DST: variants seen among roughly 807,000 people sequenced by gnomAD.
The protein encoded by DST is dystonin.
A neutral mutation model predicts 875.2 loss-of-function variants in DST; 253 were observed. The ratio of observed to expected loss-of-function variants is 0.29; its 90% confidence interval spans 0.26 to 0.32. The LOEUF is 0.32. Among genes scored for constraint, DST ranks in the 10% least tolerant of loss-of-function variants. The pLI, the probability that DST is intolerant of heterozygous loss-of-function variation, is 1.00. For missense variants in DST, 8,287 were observed against 9,111.6 expected (o/e 0.91, Z 3.68); for synonymous variants, 3,124 against 3,197.1 (o/e 0.98, Z 0.77).
At chr6:56,621,218 G>C (rs968364997) in intron 36 of DST, among the ~76,000 whole-genome samples, 1 of 152,106 alleles carries the variant, frequency 6.6e-6, no homozygotes, top group Non-Finnish European at 1.5e-5. Flanking sequence ...AATTAAAAAT[G>C]ATACTTATAT....
chr6:56,940,161 TAAAGTA>T (rs1206699141), intron 2 of DST, among the ~76,000 whole-genome samples: 4 of 149,326 alleles, frequency 2.7e-5, no homozygotes, highest in Non-Finnish European at 5.9e-5. Context: ...AGAAACTTCT[TAAAGTA>T]AAATAAATTC....
chr6:56,499,751 C>T (rs1431119555), intron 80 of DST, among the ~76,000 whole-genome samples: 1 of 152,120 alleles, frequency 6.6e-6, no homozygotes, highest in African/African-American at 2.4e-5. Flanking sequence ...ATTTTTCCAC[C>T]TCTACCATAT....
intron 10 of DST, among the ~76,000 whole-genome samples, chr6:56,655,040 A>G (rs1166660702): frequency 1.3e-5 from 2 of 151,922 alleles, no homozygotes; most frequent in African/African-American, 4.8e-5. Flanking sequence ...GGGTGCCTGT[A>G]ACCCCAGCTA....
intron 87 of DST, 110 bp downstream of exon 87, chr6:56,486,994 C>T: frequency 2.9e-6 from 3 of 1,042,330 alleles, no homozygotes; most frequent in Non-Finnish European, 4.1e-6. Flanking sequence ...GCAGAAGTTC[C>T]TCAGGCAAAG....
intron 72 of DST, among the ~76,000 whole-genome samples, chr6:56,513,679 A>C (rs2096529790): frequency 6.6e-6 from 1 of 152,098 alleles, no homozygotes; most frequent in Non-Finnish European, 1.5e-5. Flanking sequence ...GCCTTTTTTA[A>C]ACCCTTCTTA....
At position 56,603,732 on chromosome 6, in the gene DST, A is replaced by G. The variant is rs1407745340; in HGVS notation, c.10792-19T>C. The G allele has an allele frequency of 1.3e-6, 2 of 1,589,490 alleles. No individual in the cohort carries two copies. The highest frequency in any genetic ancestry group is 8.5e-7 in the Non-Finnish European group (1 of 1,170,524). On this transcript the variant is annotated intron_variant, in intron 40 of 103. Coordinates refer to ENST00000680361, the MANE Select transcript of DST (RefSeq NM_001374736.1). ...TGGAAAACTAAAAACAAAGTTGGACATTTTAATTCAATAACCTTTATGCAG... is the reference window on the plus strand; with the variant it reads ...TGGAAAACTAAAAACAAAGTTGGACGTTTTAATTCAATAACCTTTATGCAG...
intron 4 of DST, among the ~76,000 whole-genome samples, chr6:56,794,389 G>GTACATACT (rs1456849028): frequency 1.3e-5 from 2 of 152,092 alleles, no homozygotes; most frequent in African/African-American, 4.8e-5. Flanking sequence ...TGTGTTTAGG[G>GTACATACT]TACATACTTA....
In DST at chr6:56,647,233, TC is replaced by T. The variant is rs1326110624; in HGVS notation, c.1555-1052del. Among the ~76,000 whole-genome samples, 4 of 152,372 alleles carry T rather than the reference TC, an allele frequency of 2.6e-5. No homozygotes were observed. In the East Asian group the frequency reaches 7.7e-4, roughly 29 times the overall value. The stretch of plus-strand genomic sequence containing the variant: ...CTGTTGGTCATTAAGCACCGAATAC[TC>T]CTGTGTGCTAAACACTGTTCATGGC... On this transcript the variant is annotated intron_variant, in intron 13 of 103. Coordinates refer to ENST00000680361, the MANE Select transcript of DST (RefSeq NM_001374736.1).
intron 3 of DST, among the ~76,000 whole-genome samples, chr6:56,859,870 A>G (rs565855567): frequency 1.1e-4 from 17 of 152,318 alleles, no homozygotes; most frequent in Non-Finnish European, 2.4e-4. Context: ...TAGAAAGTTG[A>G]TAAGGAGAGA....
Position 56,640,509 on chromosome 6 carries a change from G to C in DST, c.2124C>G (p.Leu708=). The change falls in exon 18 of 104, where the codon CTC becomes CTG. Residue 708 remains leucine, a synonymous_variant. Coordinates refer to ENST00000680361, the MANE Select transcript of DST (RefSeq NM_001374736.1). ...AACTTTGAGTGATTCCTGATATCAT[G>C]AGCTTTGTCTGTTCTGTTGTCAGTA... ...GRILTTEQTK[L]MISGITQSLN... The C allele has an allele frequency of 6.2e-7, 1 of 1,614,154 alleles. No homozygotes were observed. The highest frequency in any genetic ancestry group is 1.1e-5 in the South Asian group (1 of 91,084).
rs567957325 is a variant in DST at position 56,462,782 on chromosome 6, C to T, written c.23070+264G>A. 5.3e-5 allele frequency among the ~76,000 whole-genome samples: 8 copies of T among 152,242 alleles called. No homozygotes were observed. The South Asian group carries it at 1.2e-3, about 24-fold the overall frequency. ...CAAGAGATAACAGTGGAACTAAGTA[C>T]GAATGAGAACAAAAAGGAGGTAGTC... is the stretch of plus-strand genomic sequence containing the variant. On this transcript the variant is annotated intron_variant, in intron 102 of 103. Coordinates refer to ENST00000680361, the MANE Select transcript of DST (RefSeq NM_001374736.1).
intron 8 of DST, among the ~76,000 whole-genome samples, chr6:56,701,039 T>C (rs1487305325): frequency 3.4e-5 from 5 of 148,112 alleles, no homozygotes; most frequent in Non-Finnish European, 7.5e-5. Flanking sequence ...GAGTGCAATA[T>C]TGCAATCATG....
chr6:56,553,024 C>T lies in DST; in HGVS notation c.15768G>A (p.Met5256Ile). ...TCTTACTGTGAAGTTGTTCAGTGAC[C>T]ATGTCCACCTTCTGGATCAGTGACT... ...ENKSLIQKVD[M>I]VTEQLHSKKF... is the part of the protein sequence containing the mutation. Residue 5256 changes from methionine (M) to isoleucine (I), a missense_variant, in exon 61 of 104, where the codon ATG becomes ATA. Met to Ile is a conservative substitution (Grantham distance 10). Transcript: ENST00000680361. 2 of 1,613,862 alleles carry T rather than the reference C, an allele frequency of 1.2e-6. No homozygotes were observed. Among genetic ancestry groups the T allele is most frequent in the Non-Finnish European group, 1.7e-6 (2 of 1,179,884 alleles).
chr6:56,735,109 G>C, intron 5 of DST, 119 bp downstream of exon 5: 1 of 748,614 alleles, frequency 1.3e-6, no homozygotes. Context: ...AAATTCTCTA[G>C]AATTTAAACT....
intron 15 of DST, 38 bp downstream of exon 15, chr6:56,645,828 C>G (rs2098939590): frequency 1.2e-6 from 2 of 1,605,054 alleles, no homozygotes; most frequent in Non-Finnish European, 1.7e-6. Flanking sequence ...GGCCCCCTCC[C>G]CACTTGATAT....
chr6:56,849,934 T>C (rs749894806), intron 4 of DST, among the ~76,000 whole-genome samples: 1 of 152,228 alleles, frequency 6.6e-6, no homozygotes, highest in Non-Finnish European at 1.5e-5. Context: ...TCCTTTCATC[T>C]ATCTTCCCTT....
Position 56,603,968 on chromosome 6 carries a change from T to C in DST, c.10660A>G (p.Ser3554Gly). Residue 3554 changes from serine (S) to glycine (G), a missense_variant, in exon 40 of 104, where the codon AGC becomes GGC. Ser to Gly is a moderately conservative substitution (Grantham distance 56). This residue lies in a region of DST where 3,138 missense variants were observed against 3,116.6 expected (regional missense o/e 1.01). Coordinates refer to ENST00000680361, the MANE Select transcript of DST (RefSeq NM_001374736.1). ...LETVKEIGLE[S>G]STVWASTLPR... ...AATGTTGATGCCCACACAGTAGAGC[T>C]TTCTAGTCCAATTTCTTTTACAGTT... 1 of 1,610,860 alleles carries C rather than the reference T, an allele frequency of 6.2e-7. No homozygotes were observed. The highest frequency in any genetic ancestry group is 1.1e-5 in the South Asian group (1 of 90,614).
chr6:56,732,493 G>A (rs2099504563), intron 5 of DST, among the ~76,000 whole-genome samples: 1 of 151,774 alleles, frequency 6.6e-6, no homozygotes, highest in African/African-American at 2.4e-5. Flanking sequence ...GCATGCTTTT[G>A]AAATAAGCAA....
Position 56,616,260 on chromosome 6 carries a change from T to C in DST, c.4930-1776A>G, listed in dbSNP as rs371329251. 5.6e-6 allele frequency: 9 copies of C among 1,614,028 alleles called. No individual in the cohort carries two copies. The African/African-American group carries it at 8.0e-5, about 14-fold the overall frequency. On this transcript the variant is annotated intron_variant, in intron 36 of 103. Transcript: ENST00000680361. ...GTTCCCTGCTCTATAGCCTCATTAA[T>C]ATTGAAGTGTAATCCTGTTTTAGTA...
Sources: gnomAD v4.1 joint callset for allele counts (sites outside exome capture counted in the v4.1 genomes callset) on GRCh38, gnomAD v4.1.1 for gene constraint, gnomAD v4.1.1 regional missense constraint, MANE v1.5 for transcripts, NCBI Gene and HGNC (gene_info 2026-07-23, HGNC 2026-07-21) for gene names.